LUZP2: variants seen among roughly 807,000 people sequenced by gnomAD.
LUZP2 encodes leucine zipper protein 2.
In LUZP2, 52 loss-of-function variants were observed where a neutral mutation model predicts 51.6. That is an observed-to-expected ratio of 1.01 (90% confidence interval 0.81 to 1.27). The LOEUF is 1.27. Ranked by LOEUF, LUZP2 falls within the 50% of genes most tolerant of loss-of-function variation. LUZP2 has a pLI of 0.00. For missense variants in LUZP2, 436 were observed against 395.4 expected (o/e 1.10, Z -0.87); for synonymous variants, 154 against 137.3 (o/e 1.12, Z -0.85).
chr11:24,750,554 T>C (rs1261030014), intron 4 of LUZP2, among the ~76,000 whole-genome samples: 1 of 152,196 alleles, frequency 6.6e-6, no homozygotes, highest in Admixed American at 6.5e-5. Context: ...GTTGGTAACT[T>C]ATAATAATGT....
At chr11:24,729,038 A>G (rs974925082) in intron 1 of LUZP2, 131 bp from the exon 2 acceptor site, 12 of 482,992 alleles carry the variant, frequency 2.5e-5, no homozygotes, top group Non-Finnish European at 3.0e-5. Flanking sequence ...TGAAATCATG[A>G]CAACAAAACC....
intron 5 of LUZP2, among the ~76,000 whole-genome samples, chr11:24,771,091 C>T (rs1427411800): frequency 6.6e-6 from 1 of 152,082 alleles, no homozygotes; most frequent in Non-Finnish European, 1.5e-5. Flanking sequence ...CCTAGAGCCG[C>T]AATGAATTTT....
Position 25,068,279 on chromosome 11 carries a change from C to T in LUZP2, c.859-9050C>T, listed in dbSNP as rs547055491. Among the ~76,000 whole-genome samples the T allele has an allele frequency of 2.6e-5, 4 of 151,992 alleles. No individual in the cohort carries two copies. The East Asian group carries it at 5.8e-4, about 22-fold the overall frequency. ...TGTATACCTATGTAACAAACCTGGACATTCTGTACATGTATCCCAGAAGTT... is the reference window on the plus strand; with the variant it reads ...TGTATACCTATGTAACAAACCTGGATATTCTGTACATGTATCCCAGAAGTT... On this transcript the variant is annotated intron_variant, in intron 10 of 11. Transcript: ENST00000336930.
chr11:24,591,643 T>C (rs1853264816), intron 1 of LUZP2, among the ~76,000 whole-genome samples: 1 of 152,090 alleles, frequency 6.6e-6, no homozygotes, highest in South Asian at 2.1e-4. Context: ...TAGGGCCTGG[T>C]CACAGTTTCA....
At chr11:24,969,194 T>C (rs1855676775) in intron 7 of LUZP2, among the ~76,000 whole-genome samples, 2 of 152,130 alleles carry the variant, frequency 1.3e-5, no homozygotes, top group South Asian at 2.1e-4. Context: ...CTAGTGTCTG[T>C]TGTTTCCTTC....
chr11:24,839,699 T>C (rs992551020), intron 5 of LUZP2, among the ~76,000 whole-genome samples: 3 of 151,622 alleles, frequency 2.0e-5, no homozygotes, highest in South Asian at 2.1e-4. Flanking sequence ...TAGATAACCA[T>C]GAAAATAGCA....
At chr11:25,018,964 T>C (rs979361712) in intron 9 of LUZP2, among the ~76,000 whole-genome samples, 5 of 152,108 alleles carry the variant, frequency 3.3e-5, no homozygotes, top group African/African-American at 1.2e-4. Flanking sequence ...CACAGCAAAA[T>C]TGAGCAGAAA....
intron 5 of LUZP2, among the ~76,000 whole-genome samples, chr11:24,843,633 C>A (rs1851103303): frequency 6.6e-6 from 1 of 152,116 alleles, no homozygotes; most frequent in South Asian, 2.1e-4. Flanking sequence ...GCTTATACAT[C>A]TATGGACAAC....
intron 1 of LUZP2, among the ~76,000 whole-genome samples, chr11:24,531,805 T>C (rs1388802022): frequency 6.6e-6 from 1 of 151,010 alleles, no homozygotes; most frequent in Non-Finnish European, 1.5e-5. Context: ...CAGTAAATTA[T>C]AGTGACATAT....
chr11:24,561,231 TATGTC>T (rs1852029693), intron 1 of LUZP2, among the ~76,000 whole-genome samples: 2 of 152,202 alleles, frequency 1.3e-5, no homozygotes, highest in Admixed American at 6.6e-5. Flanking sequence ...GTCATTTTAA[TATGTC>T]ATGTTAATTG....
At chr11:24,913,334 A>G (rs1013281855) in intron 6 of LUZP2, among the ~76,000 whole-genome samples, 1 of 152,152 alleles carries the variant, frequency 6.6e-6, no homozygotes, top group African/African-American at 2.4e-5. Flanking sequence ...ATGTTGTTCT[A>G]TAATTCAGTA....
chr11:24,863,472 C>T (rs1241365844), intron 5 of LUZP2, among the ~76,000 whole-genome samples: 1 of 151,924 alleles, frequency 6.6e-6, no homozygotes, highest in Non-Finnish European at 1.5e-5. Context: ...TTTCATTACT[C>T]CATTCATGTG....
At chr11:24,885,626 T>C (rs1852645241) in intron 5 of LUZP2, among the ~76,000 whole-genome samples, 1 of 152,170 alleles carries the variant, frequency 6.6e-6, no homozygotes, top group Non-Finnish European at 1.5e-5. Context: ...TATTGAAATG[T>C]GTTGCAATTT....
intron 1 of LUZP2, among the ~76,000 whole-genome samples, chr11:24,605,859 A>AT (rs143750453): frequency 0.017 from 2,527 of 151,414 alleles, 73 homozygotes; most frequent in African/African-American, 0.057. Context: ...GCATATCCCC[A>AT]TTTTTTTCAC....
chr11:25,016,574 C>T (rs141631310), intron 9 of LUZP2, among the ~76,000 whole-genome samples: 5 of 151,736 alleles, frequency 3.3e-5, no homozygotes, highest in African/African-American at 1.2e-4. Context: ...GTGGGTGTAC[C>T]TATATATGGT....
intron 4 of LUZP2, among the ~76,000 whole-genome samples, chr11:24,742,147 G>A (rs539936385): frequency 9.4e-5 from 14 of 148,372 alleles, no homozygotes; most frequent in Admixed American, 3.4e-4. Flanking sequence ...ATTGCGAATT[G>A]TGCACTATAA....
At chr11:24,745,360 G>A (rs762290010) in intron 4 of LUZP2, among the ~76,000 whole-genome samples, 4 of 151,842 alleles carry the variant, frequency 2.6e-5, no homozygotes, top group Admixed American at 6.6e-5. Context: ...TAGGTCTATC[G>A]GTAATTATTT....
chr11:24,498,961 G>T (rs1287744163), intron 1 of LUZP2, among the ~76,000 whole-genome samples: 2 of 152,262 alleles, frequency 1.3e-5, no homozygotes, highest in African/African-American at 2.4e-5. Context: ...GAATGAAAAA[G>T]CTCTATAGTC....
intron 1 of LUZP2, among the ~76,000 whole-genome samples, chr11:24,645,868 CT>C (rs1855446236): frequency 6.6e-6 from 1 of 150,406 alleles, no homozygotes; most frequent in Non-Finnish European, 1.5e-5. Context: ...TGTGTGTATC[CT>C]TAAAATAAAA....
Sources: gnomAD v4.1 joint callset for allele counts (sites outside exome capture counted in the v4.1 genomes callset) on GRCh38, gnomAD v4.1.1 for gene constraint, MANE v1.5 for transcripts, NCBI Gene and HGNC (gene_info 2026-07-23, HGNC 2026-07-21) for gene names.